NKAIN1: variants seen among roughly 807,000 people sequenced by gnomAD.
The protein encoded by NKAIN1 is sodium/potassium transporting ATPase interacting 1.
Under a neutral mutation model 31.6 loss-of-function variants are expected in NKAIN1, and 13 were observed. The ratio of observed to expected loss-of-function variants is 0.41; its 90% confidence interval spans 0.27 to 0.65. The LOEUF (loss-of-function observed/expected upper bound fraction) is 0.65, where lower values mean the gene tolerates loss of function less well. NKAIN1 is among the 30% of genes least tolerant of loss of function. The pLI is 0.30. For missense variants in NKAIN1, 193 were observed against 262.2 expected, an observed-to-expected ratio of 0.74 and a Z score of 1.82; for synonymous variants, 104 against 109.0, an observed-to-expected ratio of 0.95 and a Z score of 0.28.
chr1:31,200,458 C>CTTTTTTTTT (rs3081712), intron 1 of NKAIN1, among the ~76,000 whole-genome samples: 2 of 121,886 alleles, frequency 1.6e-5, no homozygotes, highest in African/African-American at 6.3e-5. Context: ...TCTCCTCTCT[C>CTTTTTTTTT]TTTTTTTTTT....
At chr1:31,189,580 G>A (rs190154365) in intron 1 of NKAIN1, among the ~76,000 whole-genome samples, 32 of 152,160 alleles carry the variant, frequency 2.1e-4, no homozygotes, top group African/African-American at 7.2e-4. Flanking sequence ...GCCTCCCAAA[G>A]TGCTGGGATT....
chr1:31,214,782 A>G (rs1281968225), intron 1 of NKAIN1, among the ~76,000 whole-genome samples: 3 of 152,164 alleles, frequency 2.0e-5, no homozygotes, highest in Admixed American at 6.5e-5. Flanking sequence ...CTGTGGAGGG[A>G]GGGAGATGGA....
intron 1 of NKAIN1, among the ~76,000 whole-genome samples, chr1:31,223,635 G>C (rs1251381225): frequency 6.6e-6 from 1 of 152,022 alleles, no homozygotes; most frequent in Non-Finnish European, 1.5e-5. Flanking sequence ...TAGTAGAGAC[G>C]GGGTTTCACC....
At chr1:31,207,718 C>A (rs1020391474) in intron 1 of NKAIN1, among the ~76,000 whole-genome samples, 9 of 152,182 alleles carry the variant, frequency 5.9e-5, no homozygotes, top group Non-Finnish European at 1.2e-4. Context: ...AGACAAACTT[C>A]AATTATCAAA....
chr1:31,220,576 G>A (rs1178707857), intron 1 of NKAIN1, among the ~76,000 whole-genome samples: 1 of 151,800 alleles, frequency 6.6e-6, no homozygotes, highest in Non-Finnish European at 1.5e-5. Context: ...CCAACATGGC[G>A]AAACCCTGTC....
chr1:31,207,769 G>A (rs576893319), intron 1 of NKAIN1, among the ~76,000 whole-genome samples: 12 of 152,270 alleles, frequency 7.9e-5, no homozygotes, highest in South Asian at 4.1e-4. Context: ...TGAAACTGAC[G>A]CTGCCCACCC....
intron 1 of NKAIN1, among the ~76,000 whole-genome samples, chr1:31,191,491 A>G (rs751707196): frequency 1.8e-4 from 28 of 151,492 alleles, no homozygotes; most frequent in Non-Finnish European, 3.1e-4. Context: ...GACTTAGGGC[A>G]AGTCACTTTC....
chr1:31,196,930 C>T (rs539081544), intron 1 of NKAIN1, among the ~76,000 whole-genome samples: 3 of 152,086 alleles, frequency 2.0e-5, no homozygotes, highest in South Asian at 4.1e-4. Flanking sequence ...ACTCTTGGCA[C>T]GGCACTAACC....
chr1:31,228,575 T>C (rs188307484), intron 1 of NKAIN1, among the ~76,000 whole-genome samples: 14 of 152,256 alleles, frequency 9.2e-5, no homozygotes, highest in African/African-American at 3.4e-4. Context: ...CTAGATCCAC[T>C]ACATGTCCAA....
chr1:31,236,028 A>G (rs1010691445), intron 1 of NKAIN1, among the ~76,000 whole-genome samples: 4 of 152,174 alleles, frequency 2.6e-5, no homozygotes, highest in Non-Finnish European at 1.5e-5. Context: ...CCAGAGTGCT[A>G]AATTCATTAT....
chr1:31,184,275 G>A (rs1249228945), intron 3 of NKAIN1, among the ~76,000 whole-genome samples: 2 of 152,124 alleles, frequency 1.3e-5, no homozygotes, highest in African/African-American at 4.8e-5. Flanking sequence ...CCCAGCCACA[G>A]GTGAAATCCT....
chr1:31,202,388 C>T (rs967228616), intron 1 of NKAIN1, among the ~76,000 whole-genome samples: 2 of 152,208 alleles, frequency 1.3e-5, no homozygotes, highest in East Asian at 1.9e-4. Flanking sequence ...AAAATCAGGC[C>T]GGGGACCAGG....
In NKAIN1 at chr1:31,239,391, C is replaced by G. The variant is rs907913297; in HGVS notation, c.54+103G>C. ...ACCACCCCCCGCCCGGGCACACGCA[C>G]CAGACACACACACAGAGACACACGC... On this transcript the variant is annotated intron_variant, in intron 1 of 6. Coordinates refer to ENST00000373736, the MANE Select transcript of NKAIN1 (RefSeq NM_024522.3). This position sits in a 1 kb window ranked among gnomAD's most constrained non-coding sequence, Gnocchi z 4.8. 1.2e-6 allele frequency: 1 copy of G among 863,394 alleles called. No individual in the cohort carries two copies. The highest frequency in any genetic ancestry group is 1.8e-5 in the African/African-American group (1 of 56,028). 53.5% of individuals were successfully genotyped at this position (863,394 alleles called of 1,614,324 possible). A position where few individuals can be genotyped will look rare whatever the true frequency, so the allele number is the denominator to read the frequency against.
intron 1 of NKAIN1, among the ~76,000 whole-genome samples, chr1:31,195,331 A>G: frequency 6.6e-6 from 1 of 151,396 alleles, no homozygotes; most frequent in East Asian, 2.0e-4. Context: ...CATGTTGGCC[A>G]GGCTGGTCTT....
At chr1:31,212,693 C>G (rs1179645948) in intron 1 of NKAIN1, among the ~76,000 whole-genome samples, 2 of 151,986 alleles carry the variant, frequency 1.3e-5, no homozygotes, top group Non-Finnish European at 2.9e-5. Context: ...ACGTGAGCCA[C>G]CGCACCCAGC....
chr1:31,215,205 C>T (rs1408523296), intron 1 of NKAIN1, among the ~76,000 whole-genome samples: 1 of 152,258 alleles, frequency 6.6e-6, no homozygotes, highest in South Asian at 2.1e-4. Flanking sequence ...CTTCTCCTTC[C>T]GACTAAAAGC....
rs190304420 is a variant in NKAIN1 at position 31,198,506 on chromosome 1, C to T, written c.55-10319G>A. Among the ~76,000 whole-genome samples the T allele has an allele frequency of 1.9e-3, 284 of 152,280 alleles. 1 individual carries two copies. The highest frequency in any genetic ancestry group is 6.5e-3 in the African/African-American group (270 of 41,552). On this transcript the variant is annotated intron_variant, in intron 1 of 6. Transcript: ENST00000373736. ...TCCCTCATGCTCCCCACTTGTTCCACGTCCCCCACTCGCCGCAGCCCATCC... is the reference window on the plus strand; with the variant it reads ...TCCCTCATGCTCCCCACTTGTTCCATGTCCCCCACTCGCCGCAGCCCATCC...
At chr1:31,220,003 A>ATTT (rs11453918) in intron 1 of NKAIN1, among the ~76,000 whole-genome samples, 7 of 127,754 alleles carry the variant, frequency 5.5e-5, no homozygotes, top group Admixed American at 8.6e-5. Flanking sequence ...GAACACTCAG[A>ATTT]TTTTTTTTTT....
intron 1 of NKAIN1, among the ~76,000 whole-genome samples, chr1:31,213,473 G>A (rs970108108): frequency 2.6e-5 from 4 of 152,156 alleles, no homozygotes; most frequent in African/African-American, 9.7e-5. Flanking sequence ...ATGTGTTGCT[G>A]GTGGAAATGT....
Sources: allele counts gnomAD v4.1 joint callset (sites outside exome capture counted in the v4.1 genomes callset), GRCh38; gene constraint gnomAD v4.1.1; non-coding constraint Gnocchi (gnomAD v3.1); transcripts MANE v1.5; gene names NCBI Gene and HGNC (gene_info 2026-07-23, HGNC 2026-07-21).